Variants in USP15 observed in about 807,000 individuals in gnomAD.
USP15 encodes the protein ubiquitin specific peptidase 15.
Under a neutral mutation model 127.1 loss-of-function variants are expected in USP15, and 18 were observed. The ratio of observed to expected loss-of-function variants is 0.14; its 90% CI spans 0.10 to 0.21. USP15 has a LOEUF of 0.21. USP15 is among the 10% of genes least tolerant of loss of function. The probability of loss-of-function intolerance (pLI) is 1.00; values close to 1 mark genes in which losing one functional copy is unlikely to be tolerated. For missense variants in USP15, 805 were observed against 1,159.9 expected (o/e 0.69, Z 4.44); for synonymous variants, 364 against 393.7 (o/e 0.92, Z 0.89).
chr12:62,330,935 A>G (rs1487962223), intron 6 of USP15, among the ~76,000 whole-genome samples: 10 of 71,594 alleles, frequency 1.4e-4, no homozygotes, highest in African/African-American at 5.2e-4. Flanking sequence ...CCAAAAAGGA[A>G]AAAAAAAAAA....
At chr12:62,357,625 CTTTA>C (rs766800121) in intron 8 of USP15, among the ~76,000 whole-genome samples, 1 of 151,934 alleles carries the variant, frequency 6.6e-6, no homozygotes, top group Non-Finnish European at 1.5e-5. Context: ...ATCATTATAG[CTTTA>C]TTTAGTTGGA....
intron 8 of USP15, among the ~76,000 whole-genome samples, chr12:62,370,843 A>T (rs1267634585): frequency 1.3e-5 from 2 of 152,180 alleles, no homozygotes; most frequent in African/African-American, 4.8e-5. Context: ...TAAACTCAAG[A>T]TGCCTACTTA....
Position 62,412,979 on chromosome 12 carries a change from T to C in USP15, c.*8604T>C, listed in dbSNP as rs1312721578. 6.6e-6 allele frequency: 1 copy of C among 152,214 alleles called. No individual in the cohort carries two copies. The highest frequency in any genetic ancestry group is 1.5e-5 in the Non-Finnish European group (1 of 68,022). The allele number at this position is 152,214 out of a possible 1,614,324, so 9.4% of individuals were successfully genotyped here. On this transcript the variant is annotated 3_prime_UTR_variant, in exon 22 of 22. Transcript: ENST00000280377. ...TCACTATCTATGAAAGCTTTTGCCT[T>C]ATAAAATGTATTTCTTGGATGATAA...
Position 62,389,784 on chromosome 12 carries a change from T to A in USP15, c.1653-13T>A, listed in dbSNP as rs202153702. 82 of 1,606,758 alleles carry A rather than the reference T, an allele frequency of 5.1e-5. 2 individuals are homozygous for A. Among genetic ancestry groups the A allele is most frequent in the Middle Eastern group, 3.3e-4 (2 of 6,042 alleles). On this transcript the variant is annotated splice_polypyrimidine_tract_variant and intron_variant, in intron 13 of 21. Coordinates refer to ENST00000280377, the MANE Select transcript of USP15 (RefSeq NM_001252078.2). The stretch of plus-strand genomic sequence containing the variant: ...AAAATTTTGAGAGTTTATGGTCAGT[T>A]TTGTCCTTGTAGGTTTGAAATTAAC...
At chr12:62,339,596 G>C (rs1031511303) in intron 6 of USP15, among the ~76,000 whole-genome samples, 6 of 152,120 alleles carry the variant, frequency 3.9e-5, no homozygotes, top group African/African-American at 9.7e-5. Flanking sequence ...TAACATGAAG[G>C]GATGTTGAAT....
intron 5 of USP15, among the ~76,000 whole-genome samples, chr12:62,323,017 C>A (rs566225905): frequency 1.3e-5 from 2 of 152,234 alleles, no homozygotes; most frequent in East Asian, 3.9e-4. Context: ...CATCCCATAC[C>A]ATCATGTAGG....
rs146540261 is a variant in USP15, at chr12:62,400,668, G to A, written c.2675-519G>A. 9.2e-4 allele frequency among the ~76,000 whole-genome samples: 138 copies of A among 150,194 alleles called. 1 individual carries two copies. Among genetic ancestry groups the A allele is most frequent in the African/African-American group, 3.0e-3 (124 of 41,012 alleles). ...GAGTAGAGGTATCAGAAAAGAAATC[G>A]TCATAGAAAATTTAATAATAAGTTG... On this transcript the variant is annotated intron_variant, in intron 20 of 21. Transcript: ENST00000280377.
intron 14 of USP15, among the ~76,000 whole-genome samples, 155 bp from the exon 15 acceptor site, chr12:62,390,709 T>C (rs1464751325): frequency 6.6e-6 from 1 of 152,174 alleles, no homozygotes; most frequent in Non-Finnish European, 1.5e-5. Context: ...TAGTCAGTTA[T>C]ACTTATGGTA....
chr12:62,374,955 G>C (rs1274111348), intron 8 of USP15, among the ~76,000 whole-genome samples: 1 of 151,970 alleles, frequency 6.6e-6, no homozygotes, highest in Non-Finnish European at 1.5e-5. Context: ...TTTATAACTA[G>C]AGAGTTTTTA....
At chr12:62,279,932 G>C (rs1402291220) in intron 1 of USP15, among the ~76,000 whole-genome samples, 2 of 151,780 alleles carry the variant, frequency 1.3e-5, no homozygotes, top group Non-Finnish European at 2.9e-5. Context: ...TGTTTTCATT[G>C]GTCTTTTTAC....
At chr12:62,300,404 G>A in intron 2 of USP15, among the ~76,000 whole-genome samples, 1 of 152,040 alleles carries the variant, frequency 6.6e-6, no homozygotes, top group Non-Finnish European at 1.5e-5. Flanking sequence ...AATAGAAAAG[G>A]ATAAGCTGAT....
chr12:62,379,697 G>A (rs1317365349), intron 8 of USP15, among the ~76,000 whole-genome samples: 4 of 151,982 alleles, frequency 2.6e-5, no homozygotes, highest in South Asian at 2.1e-4. Context: ...TATAAGAAGC[G>A]GAAAACTATT....
intron 1 of USP15, among the ~76,000 whole-genome samples, chr12:62,262,238 A>G (rs1242277493): frequency 6.6e-6 from 1 of 152,196 alleles, no homozygotes; most frequent in African/African-American, 2.4e-5. Context: ...CCATCTCAAA[A>G]AAAGAAAAAA....
At position 62,405,511 on chromosome 12, in the gene USP15, A is replaced by C. The variant is rs188647351; in HGVS notation, c.*1136A>C. 2 of 152,704 alleles carry C rather than the reference A, an allele frequency of 1.3e-5. No homozygotes were observed. Among genetic ancestry groups the C allele is most frequent in the East Asian group, 3.9e-4 (2 of 5,190 alleles). 9.5% of individuals were successfully genotyped at this position (152,704 alleles called of 1,614,324 possible). A position where few individuals can be genotyped will look rare whatever the true frequency, so the allele number is the denominator to read the frequency against. The stretch of plus-strand genomic sequence containing the variant: ...AGTATATAAAGCATAAACACCTTGA[A>C]TTTGATTTTAGTTCACCACATTCAA... On this transcript the variant is annotated 3_prime_UTR_variant, in exon 22 of 22. Transcript: ENST00000280377.
At chr12:62,269,731 T>A (rs2063300176) in intron 1 of USP15, among the ~76,000 whole-genome samples, 1 of 152,146 alleles carries the variant, frequency 6.6e-6, no homozygotes, top group African/African-American at 2.4e-5. Context: ...AGACATAATG[T>A]GTCTGTTATT....
chr12:62,368,126 A>C (rs1391267660), intron 8 of USP15, among the ~76,000 whole-genome samples: 1 of 152,076 alleles, frequency 6.6e-6, no homozygotes, highest in South Asian at 2.1e-4. Context: ...GTTTTGAGTG[A>C]GTTTCTTAAT....
intron 6 of USP15, among the ~76,000 whole-genome samples, chr12:62,343,966 C>T (rs1044638642): frequency 6.6e-6 from 1 of 152,108 alleles, no homozygotes; most frequent in African/African-American, 2.4e-5. Context: ...AAGGCCCATC[C>T]CACAACACAT....
At chr12:62,314,522 G>A (rs1454905526) in intron 3 of USP15, among the ~76,000 whole-genome samples, 2 of 151,778 alleles carry the variant, frequency 1.3e-5, no homozygotes, top group African/African-American at 2.4e-5. Context: ...TATCTTCATA[G>A]ATCAATAGAA....
At chr12:62,339,178 T>C (rs1007069501) in intron 6 of USP15, among the ~76,000 whole-genome samples, 3 of 152,142 alleles carry the variant, frequency 2.0e-5, no homozygotes, top group African/African-American at 7.2e-5. Flanking sequence ...CACTCATGAT[T>C]TGGCTCTCTG....
Sources: gnomAD v4.1 joint callset for allele counts (sites outside exome capture counted in the v4.1 genomes callset) on GRCh38, gnomAD v4.1.1 for gene constraint, MANE v1.5 for transcripts, NCBI Gene and HGNC (gene_info 2026-07-23, HGNC 2026-07-21) for gene names.